The following CHIC2 variants were observed in gnomAD, a reference collection of about 807,000 sequenced individuals.
CHIC2 encodes cysteine rich hydrophobic domain 2.
Under a neutral mutation model 25.9 loss-of-function variants are expected in CHIC2, and 14 were observed. The observed-to-expected ratio is 0.54, with a 90% CI of 0.36 to 0.85. The LOEUF (loss-of-function observed/expected upper bound fraction) is 0.85. CHIC2 is among the 40% of genes least tolerant of loss of function. CHIC2 has a pLI of 0.01. For missense variants in CHIC2, 146 were observed against 202.0 expected, an observed-to-expected ratio of 0.72 and a Z score of 1.68; for synonymous variants, 70 against 72.0, an observed-to-expected ratio of 0.97 and a Z score of 0.14.
intron 3 of CHIC2, among the ~76,000 whole-genome samples, chr4:54,014,467 A>G (rs572847353): frequency 6.6e-6 from 1 of 152,146 alleles, no homozygotes; most frequent in Non-Finnish European, 1.5e-5. Context: ...TCCTTAATAC[A>G]TATTTTAAAA....
intron 1 of CHIC2, among the ~76,000 whole-genome samples, chr4:54,063,061 C>T (rs577668083): frequency 2.4e-4 from 37 of 152,318 alleles, no homozygotes; most frequent in African/African-American, 6.0e-4. Context: ...AACAATATGG[C>T]TGGTCATACG....
chr4:54,027,859 A>T (rs574283408), intron 3 of CHIC2, among the ~76,000 whole-genome samples: 227 of 152,362 alleles, frequency 1.5e-3, no homozygotes, highest in African/African-American at 5.2e-3. Flanking sequence ...TTTGCTAGGG[A>T]GTAGGAACCT....
At chr4:54,015,207 C>T (rs1264116413) in intron 3 of CHIC2, among the ~76,000 whole-genome samples, 2 of 152,066 alleles carry the variant, frequency 1.3e-5, no homozygotes, top group African/African-American at 4.8e-5. Context: ...TCATAACTAC[C>T]AATGAATTAC....
chr4:54,034,426 C>T (rs1716322801), intron 3 of CHIC2, among the ~76,000 whole-genome samples: 1 of 151,720 alleles, frequency 6.6e-6, no homozygotes, highest in African/African-American at 2.4e-5. Flanking sequence ...AGTATTTCCT[C>T]TTCTGACACA....
At chr4:54,026,083 T>C (rs987700756) in intron 3 of CHIC2, among the ~76,000 whole-genome samples, 2 of 152,070 alleles carry the variant, frequency 1.3e-5, no homozygotes, top group African/African-American at 2.4e-5. Context: ...TTTTTACATA[T>C]GAAAACTAAA....
Position 54,010,160 on chromosome 4 carries a change from GA to G in CHIC2, c.448-16del. The G allele has an allele frequency of 2.5e-6, 4 of 1,583,818 alleles. No individual in the cohort carries two copies. The highest frequency in any genetic ancestry group is 2.2e-5 in the East Asian group (1 of 44,602). On this transcript the variant is annotated splice_polypyrimidine_tract_variant and intron_variant, in intron 5 of 5. Transcript: ENST00000263921. ...ATGAGGATGACCTGTAAAAGGAGAA[GA>G]AAAAGGTTTTAAAAGATTTAAACAA... is the stretch of plus-strand genomic sequence containing the variant.
intron 1 of CHIC2, among the ~76,000 whole-genome samples, chr4:54,062,204 C>T (rs1717356156): frequency 6.6e-6 from 1 of 152,140 alleles, no homozygotes. Flanking sequence ...AAGGAAGTTG[C>T]TGAGGAAAAT....
chr4:54,043,532 A>G (rs1485292577), intron 3 of CHIC2, among the ~76,000 whole-genome samples: 2 of 152,130 alleles, frequency 1.3e-5, no homozygotes, highest in African/African-American at 2.4e-5. Context: ...TTCAACCCAC[A>G]ATTTCATATC....
chr4:54,049,374 T>G (rs1339055402), intron 1 of CHIC2, 69 bp from the exon 2 acceptor site: 3 of 1,002,192 alleles, frequency 3.0e-6, no homozygotes, highest in Non-Finnish European at 4.5e-6. Flanking sequence ...CCATTTAATT[T>G]AAAGGTCAAG....
At chr4:54,032,892 C>T (rs1278451721) in intron 3 of CHIC2, among the ~76,000 whole-genome samples, 1 of 152,070 alleles carries the variant, frequency 6.6e-6, no homozygotes, top group South Asian at 2.1e-4. Flanking sequence ...AATGTAATCC[C>T]CAGTGTTGGA....
chr4:54,064,481 G>A lies in CHIC2; in HGVS notation c.-181C>T. The A allele has an allele frequency of 6.9e-7, 1 of 1,443,468 alleles. No individual in the cohort carries two copies. Among genetic ancestry groups the A allele is most frequent in the Admixed American group, 2.9e-5 (1 of 34,626 alleles). The allele number at this position is 1,443,468 out of a possible 1,614,324, so 89.4% of individuals were successfully genotyped here. ...AGGGGATGGGGTCTGGACCGTCGCC[G>A]CCACCGCCGCCGCCATTACCATCAG... On this transcript the variant is annotated 5_prime_UTR_variant, in exon 1 of 6. Transcript: ENST00000263921. This position sits in a 1 kb window ranked among gnomAD's most constrained non-coding sequence, Gnocchi z 4.2.
At chr4:54,044,855 C>T (rs1191545907) in intron 3 of CHIC2, among the ~76,000 whole-genome samples, 1 of 152,000 alleles carries the variant, frequency 6.6e-6, no homozygotes, top group Non-Finnish European at 1.5e-5. Context: ...TCAATGAATC[C>T]AGGAGCTGGT....
chr4:54,020,448 T>TA, intron 3 of CHIC2, among the ~76,000 whole-genome samples: 1 of 152,304 alleles, frequency 6.6e-6, no homozygotes, highest in African/African-American at 2.4e-5. Flanking sequence ...CCAGGTGAAA[T>TA]AAACAGCCTT....
chr4:54,062,639 A>G (rs1577990797), intron 1 of CHIC2, among the ~76,000 whole-genome samples: 1 of 152,334 alleles, frequency 6.6e-6, no homozygotes, highest in East Asian at 1.9e-4. Flanking sequence ...CAGAGGAAAC[A>G]TTACAACTAC....
chr4:54,068,252 A>G (rs146495155), upstream of CHIC2, among the ~76,000 whole-genome samples: 736 of 152,250 alleles, frequency 4.8e-3, 3 homozygotes, highest in Non-Finnish European at 7.7e-3. Context: ...TTGATATCCT[A>G]GCCCTCAAGG....
the CHIC2 span, chr4:54,087,052 G>A: frequency 4.4e-6 from 5 of 1,139,102 alleles, no homozygotes; most frequent in South Asian, 2.4e-5. Flanking sequence ...AAGGCAGCTG[G>A]TCCACAGCAG....
chr4:54,011,377 C>A (rs900843960), intron 5 of CHIC2, among the ~76,000 whole-genome samples: 1 of 152,242 alleles, frequency 6.6e-6, no homozygotes, highest in Middle Eastern at 3.4e-3. Flanking sequence ...ACAAAATATT[C>A]ACTAGCTCCC....
rs1235290998 is a variant in CHIC2, at chr4:54,061,442, T to C, written c.119+2740A>G. On this transcript the variant is annotated intron_variant, in intron 1 of 5. Coordinates refer to ENST00000263921, the MANE Select transcript of CHIC2 (RefSeq NM_012110.4). Reference sequence around the variant, plus strand: ...TGATCTATATCCTTCTAGACTGATCTAGACTACAGATGATTCAGTTTACAT... The same window carrying C: ...TGATCTATATCCTTCTAGACTGATCCAGACTACAGATGATTCAGTTTACAT... Among the ~76,000 whole-genome samples the C allele has an allele frequency of 2.0e-5, 3 of 152,134 alleles. No homozygotes were observed. The East Asian group carries it at 5.8e-4, about 29-fold the overall frequency.
intron 1 of CHIC2, among the ~76,000 whole-genome samples, chr4:54,052,643 T>G (rs2110087924): frequency 6.6e-6 from 1 of 152,272 alleles, no homozygotes; most frequent in East Asian, 1.9e-4. Flanking sequence ...CTTGGATAAT[T>G]TTTAAAAATA....
Sources: gnomAD v4.1 joint callset for allele counts (sites outside exome capture counted in the v4.1 genomes callset) on GRCh38, gnomAD v4.1.1 for gene constraint, Gnocchi (gnomAD v3.1) non-coding constraint, MANE v1.5 for transcripts, NCBI Gene and HGNC (gene_info 2026-07-23, HGNC 2026-07-21) for gene names.